Variants in ADAMTS18 observed in about 807,000 individuals in gnomAD.
ADAMTS18 encodes the protein A disintegrin and metalloproteinase with thrombospondin motifs 18.
Under a neutral mutation model 165.9 loss-of-function variants are expected in ADAMTS18, and 157 were observed. That is an observed-to-expected ratio of 0.95 (90% CI 0.83 to 1.08). The LOEUF is 1.08. ADAMTS18 is among the 50% of genes least tolerant of loss of function. ADAMTS18 has a pLI of 0.00. For missense variants in ADAMTS18, 2,040 were observed against 1,534.0 expected, an observed-to-expected ratio of 1.33 and a Z score of -5.51; for synonymous variants, 782 against 578.2, an observed-to-expected ratio of 1.35 and a Z score of -5.06.
intron 10 of ADAMTS18, among the ~76,000 whole-genome samples, chr16:77,344,952 C>A (rs907396054): frequency 9.2e-5 from 14 of 152,098 alleles, no homozygotes; most frequent in Non-Finnish European, 1.5e-4. Flanking sequence ...CTCTTTTTAC[C>A]AGCATATTCA....
intron 3 of ADAMTS18, among the ~76,000 whole-genome samples, chr16:77,371,928 A>T (rs185124532): frequency 6.6e-6 from 1 of 152,276 alleles, no homozygotes; most frequent in East Asian, 1.9e-4. Context: ...TCAGCAAAAA[A>T]TAACAATAAT....
At chr16:77,384,910 G>C (rs1597207414) in intron 3 of ADAMTS18, among the ~76,000 whole-genome samples, 1 of 122,370 alleles carries the variant, frequency 8.2e-6, no homozygotes, top group Non-Finnish European at 1.9e-5. Context: ...TTCAGATAAG[G>C]TTTTTTTTTT....
chr16:77,410,326 A>G (rs896900140), intron 3 of ADAMTS18, among the ~76,000 whole-genome samples: 1 of 152,170 alleles, frequency 6.6e-6, no homozygotes, highest in Non-Finnish European at 1.5e-5. Context: ...AAGAATCAAA[A>G]ATGTTTAAAT....
At chr16:77,289,982 A>G (rs1414051977) in intron 21 of ADAMTS18, among the ~76,000 whole-genome samples, 1 of 152,230 alleles carries the variant, frequency 6.6e-6, no homozygotes, top group East Asian at 1.9e-4. Flanking sequence ...CCAGACAGCC[A>G]TATGAAAAAT....
chr16:77,356,114 GA>G (rs2056626890), intron 8 of ADAMTS18, 37 bp from the exon 9 acceptor site: 1 of 1,613,794 alleles, frequency 6.2e-7, no homozygotes, highest in African/African-American at 1.3e-5. Context: ...CCTGCTTTGT[GA>G]ACCCATTTTT....
At position 77,314,384 on chromosome 16, in the gene ADAMTS18, G is replaced by T. The variant is rs566082495; in HGVS notation, c.2532+5465C>A. On this transcript the variant is annotated intron_variant, in intron 16 of 22. Transcript: ENST00000282849. Reference sequence around the variant, plus strand: ...GCACTTTGGGAGGCCGAGGCGGGTGGATTACTTGAGGTCAGGAGTTCCAGA... The same window carrying T: ...GCACTTTGGGAGGCCGAGGCGGGTGTATTACTTGAGGTCAGGAGTTCCAGA... 9.9e-5 allele frequency among the ~76,000 whole-genome samples: 15 copies of T among 152,056 alleles called. No individual in the cohort carries two copies. In the South Asian group the frequency reaches 3.1e-3, roughly 32 times the overall value.
intron 16 of ADAMTS18, among the ~76,000 whole-genome samples, chr16:77,313,658 C>A (rs900639793): frequency 2.6e-5 from 4 of 152,070 alleles, no homozygotes; most frequent in Admixed American, 1.3e-4. Context: ...TGACTGCACA[C>A]GGCTGAGACT....
intron 19 of ADAMTS18, among the ~76,000 whole-genome samples, chr16:77,294,317 A>C (rs2055424116): frequency 6.6e-6 from 1 of 152,062 alleles, no homozygotes; most frequent in African/African-American, 2.4e-5. Flanking sequence ...ACCTCTACCC[A>C]CTAGATGCCA....
intron 19 of ADAMTS18, 139 bp from the exon 20 acceptor site, chr16:77,293,397 C>G: frequency 1.4e-6 from 1 of 727,142 alleles, no homozygotes. Flanking sequence ...ACGAGATCTA[C>G]TTAACCACCC....
chr16:77,282,510 A>G lies in ADAMTS18; in HGVS notation c.*1446T>C, dbSNP rs1485270565. 1 of 152,622 alleles carries G rather than the reference A, an allele frequency of 6.6e-6. No homozygotes were observed. The highest frequency in any genetic ancestry group is 1.5e-5 in the Non-Finnish European group (1 of 68,030). 9.5% of individuals were successfully genotyped at this position (152,622 alleles called of 1,614,324 possible). A position where few individuals can be genotyped will look rare whatever the true frequency, so the allele number is the denominator to read the frequency against. On this transcript the variant is annotated 3_prime_UTR_variant, in exon 23 of 23. Transcript: ENST00000282849. ...ACTTTAATTAGAATGGGAACGAAGT[A>G]TGCTGCTAAATTTAACAAACCACTG... is the stretch of plus-strand genomic sequence containing the variant.
rs537279110 is a variant in ADAMTS18 at position 77,336,498 on chromosome 16, A to G, written c.1711-594T>C. On this transcript the variant is annotated intron_variant, in intron 11 of 22. Transcript: ENST00000282849. ...CATTTCTTACAAAGCTGAACAACTC[A>G]GTCTGTACAAATTGTTCTCTTCAGA... Among the ~76,000 whole-genome samples, 14 of 152,326 alleles carry G rather than the reference A, an allele frequency of 9.2e-5. No individual in the cohort carries two copies. In the East Asian group the frequency reaches 1.2e-3, roughly 13 times the overall value.
chr16:77,305,943 A>C (rs1490741832), intron 16 of ADAMTS18, among the ~76,000 whole-genome samples: 1 of 152,216 alleles, frequency 6.6e-6, no homozygotes, highest in African/African-American at 2.4e-5. Context: ...CCATGTCAAG[A>C]GTAGTCCATT....
Position 77,364,343 on chromosome 16 carries a change from A to C in ADAMTS18, c.817T>G (p.Phe273Val), listed in dbSNP as rs2056761209. Residue 273 changes from phenylalanine to valine, a missense_variant, in exon 5 of 23, where the codon TTT (phenylalanine) becomes GTT (valine). Transcript: ENST00000282849. The part of the protein sequence containing the change: ...KPPTEDTYLR[F>V]DEYGSSGRPR... ...CGCCCAGAGCTCCCATATTCATCAA[A>C]CCTTAGATAGGTGTCCTCTGTGGGA... is the stretch of plus-strand genomic sequence containing the variant. The C allele has an allele frequency of 6.2e-7, 1 of 1,613,710 alleles. No individual in the cohort carries two copies. The highest frequency in any genetic ancestry group is 2.2e-5 in the East Asian group (1 of 44,864).
intron 7 of ADAMTS18, among the ~76,000 whole-genome samples, chr16:77,360,805 G>A (rs1027947723): frequency 1.3e-5 from 2 of 152,196 alleles, no homozygotes; most frequent in Non-Finnish European, 1.5e-5. Context: ...TAAAATTTCT[G>A]CCCTGGCACA....
intron 3 of ADAMTS18, among the ~76,000 whole-genome samples, chr16:77,393,019 G>A (rs1047786847): frequency 4.6e-5 from 7 of 152,144 alleles, no homozygotes; most frequent in Non-Finnish European, 1.0e-4. Context: ...ATCAGGAATC[G>A]ATGGGTACCA....
chr16:77,327,168 G>A (rs1201785440), intron 12 of ADAMTS18, among the ~76,000 whole-genome samples: 3 of 152,170 alleles, frequency 2.0e-5, no homozygotes, highest in Non-Finnish European at 4.4e-5. Context: ...ATACCTGCAT[G>A]TGTCTTTATG....
chr16:77,403,217 A>G (rs773140730), intron 3 of ADAMTS18, among the ~76,000 whole-genome samples: 25 of 152,220 alleles, frequency 1.6e-4, no homozygotes, highest in Non-Finnish European at 3.1e-4. Context: ...ATTAATTATT[A>G]AGAAAGTGTT....
chr16:77,423,208 T>G (rs1457394653), intron 3 of ADAMTS18, among the ~76,000 whole-genome samples: 2 of 152,322 alleles, frequency 1.3e-5, no homozygotes, highest in South Asian at 2.1e-4. Context: ...GGCCTCCCTG[T>G]GTGTTTTAGC....
intron 19 of ADAMTS18, among the ~76,000 whole-genome samples, chr16:77,294,641 T>C (rs1261684180): frequency 1.3e-5 from 2 of 152,230 alleles, no homozygotes; most frequent in African/African-American, 4.8e-5. Flanking sequence ...GCCAGTCTTC[T>C]GATACTGGAA....
Sources: allele counts gnomAD v4.1 joint callset (sites outside exome capture counted in the v4.1 genomes callset), GRCh38; gene constraint gnomAD v4.1.1; transcripts MANE v1.5; gene names NCBI Gene and HGNC (gene_info 2026-07-23, HGNC 2026-07-21).